Variants in TRIB2 observed in about 807,000 individuals in gnomAD.
TRIB2 encodes tribbles homolog 2.
In TRIB2, 2 loss-of-function variants were observed where a neutral mutation model predicts 26.8. The ratio of observed to expected loss-of-function variants is 0.07; its 90% confidence interval spans 0.03 to 0.24. The LOEUF is 0.24. TRIB2 is among the 10% of genes least tolerant of loss of function. The probability of loss-of-function intolerance (pLI) is 1.00; values close to 1 mark genes in which losing one functional copy is unlikely to be tolerated. For missense variants in TRIB2, 306 were observed against 449.0 expected (o/e 0.68, Z 2.88); for synonymous variants, 189 against 187.3 (o/e 1.01, Z -0.08).
rs200046201 is a variant in TRIB2 at position 12,740,839 on chromosome 2, G to A, written c.*45G>A. 1.5e-5 allele frequency: 23 copies of A among 1,558,294 alleles called. No homozygotes were observed. In the African/African-American group the frequency reaches 2.9e-4, roughly 19 times the overall value. On this transcript the variant is annotated 3_prime_UTR_variant, in exon 3 of 3. Transcript: ENST00000155926. The surrounding 1 kb of genome is among the most constrained non-coding windows in gnomAD (Gnocchi z 5.8). ...TTAGCAGGTTCCAGGAGTGAGCGAG[G>A]GCAGCGGAAAGGAGTTCTTCCGGGG... is the stretch of plus-strand genomic sequence containing the variant.
chr2:12,717,091 C>A lies in TRIB2; in HGVS notation c.-1217C>A. 3.4e-6 allele frequency: 1 copy of A among 297,190 alleles called. No individual in the cohort carries two copies. Among genetic ancestry groups the A allele is most frequent in the Non-Finnish European group, 6.1e-6 (1 of 162,978 alleles). The allele number at this position is 297,190 out of a possible 1,614,324, so 18.4% of individuals were successfully genotyped here. A position where few individuals can be genotyped will look rare whatever the true frequency, so the allele number is the denominator to read the frequency against. ...ATTGGCCTCGGGCACCGTCGGCCGT[C>A]CCCTTTAATTTTTAAATACACGGTC... On this transcript the variant is annotated 5_prime_UTR_variant, in exon 1 of 3. Coordinates refer to ENST00000155926, the MANE Select transcript of TRIB2 (RefSeq NM_021643.4). The surrounding 1 kb of genome is among the most constrained non-coding windows in gnomAD (Gnocchi z 4.8).
chr2:12,739,320 T>C (rs1661657551), intron 2 of TRIB2, among the ~76,000 whole-genome samples: 1 of 152,156 alleles, frequency 6.6e-6, no homozygotes, highest in Non-Finnish European at 1.5e-5. Context: ...AATGCAGTAG[T>C]GCGATCTCAG....
In TRIB2 at chr2:12,726,104, C is replaced by T. The variant is rs543795736; in HGVS notation, c.563+2552C>T. On this transcript the variant is annotated intron_variant, in intron 2 of 2. Transcript: ENST00000155926. ...TCCCAGTGGGCTTGCTTTTCAGGAA[C>T]ATGACAAGTGTCTGTCTGGGCAGCT... is the stretch of plus-strand genomic sequence containing the variant. Among the ~76,000 whole-genome samples the T allele has an allele frequency of 2.6e-5, 4 of 152,332 alleles. No homozygotes were observed. In the South Asian group the frequency reaches 8.3e-4, roughly 32 times the overall value.
intron 2 of TRIB2, among the ~76,000 whole-genome samples, chr2:12,733,085 T>G (rs1451138901): frequency 6.6e-6 from 1 of 151,526 alleles, no homozygotes; most frequent in East Asian, 1.9e-4. Flanking sequence ...CATGATTTGC[T>G]TGTGGATACT....
chr2:12,734,643 A>G (rs1661531324), intron 2 of TRIB2, among the ~76,000 whole-genome samples: 1 of 152,118 alleles, frequency 6.6e-6, no homozygotes, highest in Non-Finnish European at 1.5e-5. Flanking sequence ...CCGTACTTGC[A>G]TTATTACAGT....
At chr2:12,734,711 C>T (rs1661532594) in intron 2 of TRIB2, among the ~76,000 whole-genome samples, 1 of 152,128 alleles carries the variant, frequency 6.6e-6, no homozygotes, top group Admixed American at 6.5e-5. Context: ...CTCCCCAGTG[C>T]CTAGTTGGGG....
In TRIB2 at chr2:12,718,515, C is replaced by T; in HGVS notation, c.208C>T (p.Leu70=). The T allele has an allele frequency of 6.2e-7, 1 of 1,614,188 alleles. No individual in the cohort carries two copies. The highest frequency in any genetic ancestry group is 8.5e-7 in the Non-Finnish European group (1 of 1,180,030). The change falls in exon 1 of 3, where the codon CTG becomes TTG. Residue 70 remains leucine, a synonymous_variant. Coordinates refer to ENST00000155926, the MANE Select transcript of TRIB2 (RefSeq NM_021643.4). The surrounding 1 kb of genome is among the most constrained non-coding windows in gnomAD (Gnocchi z 4.0). The part of the protein sequence containing the change: ...CIGKYLLLEP[L]EGDHVFRAVH... ...CGGGAAATACTTATTGTTGGAACCT[C>T]TGGAGGGAGACCACGTTTTTCGTGC...
At position 12,741,798 on chromosome 2, in the gene TRIB2, A is replaced by C. The variant is rs1661716578; in HGVS notation, c.*1004A>C. On this transcript the variant is annotated 3_prime_UTR_variant, in exon 3 of 3. Coordinates refer to ENST00000155926, the MANE Select transcript of TRIB2 (RefSeq NM_021643.4). ...AGGTTGTCCCACATGTATAAAATAC[A>C]GGGCAGCTATTTAGTTTTCTTTACA... 1 of 152,694 alleles carries C rather than the reference A, an allele frequency of 6.5e-6. No individual in the cohort carries two copies. 9.5% of individuals were successfully genotyped at this position (152,694 alleles called of 1,614,324 possible). A position where few individuals can be genotyped will look rare whatever the true frequency, so the allele number is the denominator to read the frequency against.
rs74520169 is a variant in TRIB2, at chr2:12,717,487, C to G, written c.-821C>G. On this transcript the variant is annotated 5_prime_UTR_variant, in exon 1 of 3. Coordinates refer to ENST00000155926, the MANE Select transcript of TRIB2 (RefSeq NM_021643.4). This position sits in a 1 kb window ranked among gnomAD's most constrained non-coding sequence, Gnocchi z 4.8. The stretch of plus-strand genomic sequence containing the variant: ...CTGTGCTGACCTCCGCGCGGCGGGC[C>G]GAGCCCAGGGCTTTGTCGCGGTACC... 2 of 398,326 alleles carry G rather than the reference C, an allele frequency of 5.0e-6. No homozygotes were observed. The highest frequency in any genetic ancestry group is 2.1e-5 in the African/African-American group (1 of 48,640). The allele number at this position is 398,326 out of a possible 1,614,324, so 24.7% of individuals were successfully genotyped here. A position where few individuals can be genotyped will look rare whatever the true frequency, so the allele number is the denominator to read the frequency against.
Position 12,723,055 on chromosome 2 carries a change from C to T in TRIB2, c.271-205C>T, listed in dbSNP as rs564992186. 3.3e-5 allele frequency among the ~76,000 whole-genome samples: 5 copies of T among 152,156 alleles called. No homozygotes were observed. The South Asian group carries it at 8.3e-4, about 25-fold the overall frequency. On this transcript the variant is annotated intron_variant, in intron 1 of 2. Transcript: ENST00000155926. ...TCAAGTATCAGTTTCCCATGTTGTACGTAAAGATTTGGAGGCTCCGAGAGG... is the reference window on the plus strand; with the variant it reads ...TCAAGTATCAGTTTCCCATGTTGTATGTAAAGATTTGGAGGCTCCGAGAGG...
chr2:12,728,475 T>C (rs886213771), intron 2 of TRIB2, among the ~76,000 whole-genome samples: 1 of 152,204 alleles, frequency 6.6e-6, no homozygotes, highest in Non-Finnish European at 1.5e-5. Context: ...CTTTTGCCCA[T>C]TGGATTTCTC....
In TRIB2 at chr2:12,718,838, A is replaced by T. The variant is rs538170418; in HGVS notation, c.270+261A>T. ...GCGGGACTGCGCGGGGGCCACGGAC[A>T]CGCGTGCACCGAAGGCTCCAGGAGC... On this transcript the variant is annotated intron_variant, in intron 1 of 2. Transcript: ENST00000155926. This position sits in a 1 kb window ranked among gnomAD's most constrained non-coding sequence, Gnocchi z 4.0. Among the ~76,000 whole-genome samples the T allele has an allele frequency of 1.8e-4, 27 of 152,202 alleles. No individual in the cohort carries two copies. The highest frequency in any genetic ancestry group is 6.0e-4 in the African/African-American group (25 of 41,512).
Position 12,718,186 on chromosome 2 carries a change from T to G in TRIB2, c.-122T>G, listed in dbSNP as rs966713139. 2 of 1,319,158 alleles carry G rather than the reference T, an allele frequency of 1.5e-6. No homozygotes were observed. The highest frequency in any genetic ancestry group is 3.0e-5 in the African/African-American group (2 of 67,512). 81.7% of individuals were successfully genotyped at this position (1,319,158 alleles called of 1,614,324 possible). On this transcript the variant is annotated 5_prime_UTR_variant, in exon 1 of 3. Coordinates refer to ENST00000155926, the MANE Select transcript of TRIB2 (RefSeq NM_021643.4). This position sits in a 1 kb window ranked among gnomAD's most constrained non-coding sequence, Gnocchi z 4.0. ...CTCTTTCTCCACGCAGCCCCTCTTC[T>G]GTCCCCTCCCCTCTCGCTCCCTTTT...
chr2:12,740,285 T>C lies in TRIB2; in HGVS notation c.564-41T>C, dbSNP rs771099145. The C allele has an allele frequency of 1.3e-5, 21 of 1,584,876 alleles. No individual in the cohort carries two copies. Among genetic ancestry groups the C allele is most frequent in the Non-Finnish European group, 1.8e-5 (21 of 1,160,486 alleles). On this transcript the variant is annotated intron_variant, in intron 2 of 2. Transcript: ENST00000155926. This position sits in a 1 kb window ranked among gnomAD's most constrained non-coding sequence, Gnocchi z 5.8. ...TATGATGCTGGTGGTAACGTGTCTC[T>C]GAGCACCCTCAGGAGCTTATGTTTT...
intron 2 of TRIB2, among the ~76,000 whole-genome samples, chr2:12,723,860 C>T (rs1019641296): frequency 6.6e-6 from 1 of 152,120 alleles, no homozygotes; most frequent in African/African-American, 2.4e-5. Flanking sequence ...ATTTTCAATG[C>T]CAGTAAAGGC....
intron 2 of TRIB2, among the ~76,000 whole-genome samples, chr2:12,728,760 C>T (rs2103253920): frequency 6.6e-6 from 1 of 152,312 alleles, no homozygotes; most frequent in Admixed American, 6.5e-5. Context: ...ATAAACGCCA[C>T]CTGCCCAGAT....
chr2:12,718,486 G>C lies in TRIB2; in HGVS notation c.179G>C (p.Cys60Ser). The C allele has an allele frequency of 3.1e-6, 5 of 1,614,238 alleles. No homozygotes were observed. Among genetic ancestry groups the C allele is most frequent in the Non-Finnish European group, 4.2e-6 (5 of 1,180,050 alleles). The change falls in exon 1 of 3, where the codon TGT becomes TCT. Residue 60 changes from cysteine (C) to serine (S), a missense_variant. Physicochemically the swap from Cys to Ser is moderately radical, Grantham distance 112. Coordinates refer to ENST00000155926, the MANE Select transcript of TRIB2 (RefSeq NM_021643.4). This position sits in a 1 kb window ranked among gnomAD's most constrained non-coding sequence, Gnocchi z 4.0. Reference protein sequence around the residue: ...ETPNLSHCVSCIGKYLLLEPL... With the variant: ...ETPNLSHCVSSIGKYLLLEPL... ...CCGAACTTGTCGCATTGCGTTTCTT[G>C]TATCGGGAAATACTTATTGTTGGAA...
In TRIB2 at chr2:12,717,422, AG is replaced by A. The variant is rs1666616410; in HGVS notation, c.-884del. The A allele has an allele frequency of 1.0e-5, 4 of 398,210 alleles. No individual in the cohort carries two copies. In the Admixed American group the frequency reaches 1.3e-4, roughly 13 times the overall value. 24.7% of individuals were successfully genotyped at this position (398,210 alleles called of 1,614,324 possible). A position where few individuals can be genotyped will look rare whatever the true frequency, so the allele number is the denominator to read the frequency against. On this transcript the variant is annotated 5_prime_UTR_variant, in exon 1 of 3. Transcript: ENST00000155926. This position sits in a 1 kb window ranked among gnomAD's most constrained non-coding sequence, Gnocchi z 4.8. ...CTCCTGCACGTCTGGCTGCATTCGG[AG>A]GAAGACCTGGGGCGCGAGCGAGCGG...
intron 2 of TRIB2, among the ~76,000 whole-genome samples, chr2:12,739,827 G>C (rs1661673981): frequency 6.6e-6 from 1 of 152,208 alleles, no homozygotes; most frequent in South Asian, 2.1e-4. Context: ...GGGCTGTAGT[G>C]AGGCCAAAAT....
Sources: allele counts gnomAD v4.1 joint callset (sites outside exome capture counted in the v4.1 genomes callset), GRCh38; gene constraint gnomAD v4.1.1; non-coding constraint Gnocchi (gnomAD v3.1); transcripts MANE v1.5; gene names NCBI Gene and HGNC (gene_info 2026-07-23, HGNC 2026-07-21).